The following NR2F1-AS1 variants were observed in gnomAD, a reference collection of about 807,000 sequenced individuals.
NR2F1-AS1 encodes NR2F1 antisense RNA 1.
At chr5:93,500,944 T>C (rs1331395117) in intron 4 of NR2F1-AS1, among the ~76,000 whole-genome samples, 1 of 152,204 alleles carries the variant, frequency 6.6e-6, no homozygotes, top group Non-Finnish European at 1.5e-5. Flanking sequence ...AAATACATTT[T>C]GTAAGGCCAT....
chr5:93,526,086 T>C (rs116433647), intron 4 of NR2F1-AS1, among the ~76,000 whole-genome samples: 2,200 of 151,960 alleles, frequency 0.014, 62 homozygotes, highest in African/African-American at 0.05. Flanking sequence ...CTTAAATGAT[T>C]AACAAAATAG....
intron 4 of NR2F1-AS1, among the ~76,000 whole-genome samples, chr5:93,477,866 C>T (rs1244113446): frequency 6.6e-6 from 1 of 152,180 alleles, no homozygotes; most frequent in African/African-American, 2.4e-5. Context: ...ACATATTAAT[C>T]TACTTTCAAT....
chr5:93,429,802 T>A (rs1749272755), intron 4 of NR2F1-AS1, among the ~76,000 whole-genome samples: 1 of 152,218 alleles, frequency 6.6e-6, no homozygotes, highest in African/African-American at 2.4e-5. Flanking sequence ...TTCTATCATC[T>A]CTGTTCCATT....
intron 4 of NR2F1-AS1, among the ~76,000 whole-genome samples, chr5:93,547,283 A>C (rs768132741): frequency 6.6e-6 from 1 of 152,224 alleles, no homozygotes; most frequent in Non-Finnish European, 1.5e-5. Context: ...AGACATCAAA[A>C]GTAGAATGTA....
chr5:93,420,560 G>C (rs1004432868), intron 4 of NR2F1-AS1, among the ~76,000 whole-genome samples: 2 of 152,116 alleles, frequency 1.3e-5, no homozygotes, highest in African/African-American at 4.8e-5. Context: ...AAGAAGGCTG[G>C]GAGCAGGGAA....
chr5:93,481,655 G>C (rs76891676), intron 4 of NR2F1-AS1, among the ~76,000 whole-genome samples: 3,368 of 151,988 alleles, frequency 0.022, 111 homozygotes, highest in African/African-American at 0.077. Flanking sequence ...CCATAATTTA[G>C]GCCATAACAC....
At chr5:93,446,885 CAG>C (rs1476007676) in intron 4 of NR2F1-AS1, among the ~76,000 whole-genome samples, 2 of 152,088 alleles carry the variant, frequency 1.3e-5, no homozygotes, top group Non-Finnish European at 2.9e-5. Flanking sequence ...ACAGGGCCCT[CAG>C]AAATAATACC....
Position 93,454,618 on chromosome 5 carries a change from C to A in NR2F1-AS1, n.639-59076G>T, listed in dbSNP as rs546541139. On this transcript the variant is annotated intron_variant and non_coding_transcript_variant, in intron 4 of 5. Coordinates refer to ENST00000660523, the Ensembl canonical transcript of NR2F1-AS1. ...AACTCTTGGCGGGCTCCTGAATAGC[C>A]TCAGAATGGGGACTGGTTGCCAGGG... is the stretch of plus-strand genomic sequence containing the variant. Among the ~76,000 whole-genome samples the A allele has an allele frequency of 2.0e-5, 3 of 152,258 alleles. No individual in the cohort carries two copies. In the South Asian group the frequency reaches 6.2e-4, roughly 32 times the overall value.
At chr5:93,499,055 A>C (rs2149884585) in intron 4 of NR2F1-AS1, among the ~76,000 whole-genome samples, 1 of 152,352 alleles carries the variant, frequency 6.6e-6, no homozygotes, top group South Asian at 2.1e-4. Context: ...TATTCTATTC[A>C]GAATAACTGA....
At chr5:93,474,494 T>C (rs925967523) in intron 4 of NR2F1-AS1, among the ~76,000 whole-genome samples, 1 of 152,190 alleles carries the variant, frequency 6.6e-6, no homozygotes, top group African/African-American at 2.4e-5. Flanking sequence ...AGATGGCTTA[T>C]AAGCAACAGA....
intron 4 of NR2F1-AS1, chr5:93,409,614 C>T (rs1469302955): frequency 6.6e-6 from 1 of 152,192 alleles, no homozygotes; most frequent in African/African-American, 2.4e-5. Context: ...TATCCAGTAT[C>T]ACGACCAGGA....
At chr5:93,562,508 A>T (rs1250203677) in intron 2 of NR2F1-AS1, among the ~76,000 whole-genome samples, 1 of 152,096 alleles carries the variant, frequency 6.6e-6, no homozygotes, top group African/African-American at 2.4e-5. Flanking sequence ...TGCCCAGGCT[A>T]GTCTCGAACT....
intron 4 of NR2F1-AS1, among the ~76,000 whole-genome samples, chr5:93,514,215 A>C (rs1751357650): frequency 1.3e-5 from 2 of 152,138 alleles, no homozygotes; most frequent in South Asian, 4.1e-4. Flanking sequence ...AAAGAGAAAA[A>C]AATTTTTCAA....
intron 4 of NR2F1-AS1, among the ~76,000 whole-genome samples, chr5:93,459,527 G>T (rs1325437072): frequency 6.6e-6 from 1 of 152,064 alleles, no homozygotes; most frequent in African/African-American, 2.4e-5. Flanking sequence ...TTTAAAATTG[G>T]TGAACTTTAT....
chr5:93,477,135 T>C (rs1395977265), intron 4 of NR2F1-AS1, among the ~76,000 whole-genome samples: 3 of 152,206 alleles, frequency 2.0e-5, no homozygotes, highest in Non-Finnish European at 4.4e-5. Context: ...CTTAAATGTC[T>C]GCACTAACAG....
At chr5:93,493,523 G>T (rs1458342341) in intron 4 of NR2F1-AS1, among the ~76,000 whole-genome samples, 1 of 151,894 alleles carries the variant, frequency 6.6e-6, no homozygotes, top group Non-Finnish European at 1.5e-5. Flanking sequence ...GAACTGTACA[G>T]AACCCCAAAT....
chr5:93,413,462 C>T (rs1464470483), intron 4 of NR2F1-AS1, among the ~76,000 whole-genome samples: 2 of 152,104 alleles, frequency 1.3e-5, no homozygotes, highest in Non-Finnish European at 2.9e-5. Flanking sequence ...GGGTTCATCT[C>T]TTTAAGGTTC....
At chr5:93,487,318 C>T (rs1340004787) in intron 4 of NR2F1-AS1, among the ~76,000 whole-genome samples, 1 of 152,188 alleles carries the variant, frequency 6.6e-6, no homozygotes, top group African/African-American at 2.4e-5. Flanking sequence ...TCTCTGTTTG[C>T]AGATGACATG....
intron 4 of NR2F1-AS1, among the ~76,000 whole-genome samples, chr5:93,464,173 T>C (rs1353972698): frequency 6.6e-6 from 1 of 152,182 alleles, no homozygotes; most frequent in Non-Finnish European, 1.5e-5. Flanking sequence ...TGGCAGGTCT[T>C]TCCATGCTGT....
Sources: gnomAD v4.1 joint callset for allele counts (sites outside exome capture counted in the v4.1 genomes callset) on GRCh38, gnomAD v4.1.1 for gene constraint, MANE v1.5 for transcripts, NCBI Gene and HGNC (gene_info 2026-07-23, HGNC 2026-07-21) for gene names.